Variants in RNF217 observed in about 807,000 individuals in gnomAD.
RNF217 encodes the protein E3 ubiquitin-protein ligase RNF217.
Under a neutral mutation model 57.8 loss-of-function variants are expected in RNF217, and 31 were observed. The ratio of observed to expected loss-of-function variants is 0.54; its 90% CI spans 0.40 to 0.72. The LOEUF is 0.72. Among genes scored for constraint, RNF217 ranks in the 30% least tolerant of loss-of-function variants. RNF217 has a pLI of 0.00. For missense variants in RNF217, 696 were observed against 708.3 expected, an observed-to-expected ratio of 0.98 and a Z score of 0.20; for synonymous variants, 313 against 294.0, an observed-to-expected ratio of 1.06 and a Z score of -0.66.
chr6:125,079,774 T>G (rs1788507758), intron 4 of RNF217, among the ~76,000 whole-genome samples: 1 of 151,958 alleles, frequency 6.6e-6, no homozygotes, highest in Non-Finnish European at 1.5e-5. Context: ...CAAGTATAAT[T>G]TAAAATAGGG....
chr6:125,019,839 G>T (rs989935904), intron 1 of RNF217, among the ~76,000 whole-genome samples: 2 of 150,382 alleles, frequency 1.3e-5, no homozygotes, highest in Non-Finnish European at 3.0e-5. Flanking sequence ...GCAGTGGGGG[G>T]GGAGTGAAAA....
chr6:124,971,581 G>A (rs765585204), intron 1 of RNF217: 6 of 233,786 alleles, frequency 2.6e-5, no homozygotes, highest in South Asian at 4.1e-5. Context: ...TCAGCCTTCC[G>A]AGTAGTTGGG....
chr6:125,030,707 T>A (rs1269623775), intron 1 of RNF217, among the ~76,000 whole-genome samples: 1 of 152,108 alleles, frequency 6.6e-6, no homozygotes, highest in Non-Finnish European at 1.5e-5. Context: ...GGGTACAGTC[T>A]CCCTCCTGGC....
chr6:124,963,510 G>A, intron 1 of RNF217, 84 bp downstream of exon 1: 2 of 1,402,254 alleles, frequency 1.4e-6, no homozygotes, highest in Non-Finnish European at 1.9e-6. Flanking sequence ...CTCCCTGCTC[G>A]CGCGAAGAGG....
chr6:125,000,408 A>G (rs948301770), intron 1 of RNF217, among the ~76,000 whole-genome samples: 5 of 152,210 alleles, frequency 3.3e-5, no homozygotes, highest in African/African-American at 9.6e-5. Context: ...TATGTTATAT[A>G]TAATACACAA....
At chr6:125,025,246 G>T (rs759562178) in intron 1 of RNF217, among the ~76,000 whole-genome samples, 1 of 152,152 alleles carries the variant, frequency 6.6e-6, no homozygotes, top group Non-Finnish European at 1.5e-5. Flanking sequence ...AGGTGAGACA[G>T]ATAGCAGTGG....
Position 125,083,154 on chromosome 6 carries a change from T to C in RNF217, c.*217T>C. On this transcript the variant is annotated 3_prime_UTR_variant, in exon 6 of 6. Transcript: ENST00000521654. ...ACAAATTGCTGCTGCTTTTAAAAAATGGTCACTTTCATAAACTATAAACAT... is the reference window on the plus strand; with the variant it reads ...ACAAATTGCTGCTGCTTTTAAAAAACGGTCACTTTCATAAACTATAAACAT... 2.3e-6 allele frequency: 1 copy of C among 436,402 alleles called. No homozygotes were observed. The highest frequency in any genetic ancestry group is 4.0e-6 in the Non-Finnish European group (1 of 249,230). 27.0% of individuals were successfully genotyped at this position (436,402 alleles called of 1,614,324 possible).
intron 1 of RNF217, among the ~76,000 whole-genome samples, chr6:125,018,789 G>A (rs1785708026): frequency 6.6e-6 from 1 of 152,110 alleles, no homozygotes; most frequent in Non-Finnish European, 1.5e-5. Flanking sequence ...ATGACTAGGT[G>A]ACTACCCCTC....
intron 1 of RNF217, among the ~76,000 whole-genome samples, chr6:124,999,571 A>G (rs990907447): frequency 2.6e-5 from 4 of 152,172 alleles, no homozygotes; most frequent in Non-Finnish European, 5.9e-5. Flanking sequence ...GCCAGAGCCT[A>G]AAGTATAACT....
rs1215656652 is a variant in RNF217 at position 125,090,013 on chromosome 6, A to C, written c.*7076A>C. 1 of 152,104 alleles carries C rather than the reference A, an allele frequency of 6.6e-6. No homozygotes were observed. Among genetic ancestry groups the C allele is most frequent in the Non-Finnish European group, 1.5e-5 (1 of 68,014 alleles). 9.4% of individuals were successfully genotyped at this position (152,104 alleles called of 1,614,324 possible). A position where few individuals can be genotyped will look rare whatever the true frequency, so the allele number is the denominator to read the frequency against. On this transcript the variant is annotated 3_prime_UTR_variant, in exon 6 of 6. Coordinates refer to ENST00000521654, the MANE Select transcript of RNF217 (RefSeq NM_001286398.3). Reference sequence around the variant, plus strand: ...TATCATAATTTCATTATCAGCTGACAAGAAACCCTTCTAAGACCCATTTTT... The same window carrying C: ...TATCATAATTTCATTATCAGCTGACCAGAAACCCTTCTAAGACCCATTTTT...
chr6:125,083,806 G>A lies in RNF217; in HGVS notation c.*869G>A, dbSNP rs1314368147. The A allele has an allele frequency of 6.6e-6, 1 of 152,062 alleles. No individual in the cohort carries two copies. The highest frequency in any genetic ancestry group is 2.4e-5 in the African/African-American group (1 of 41,430). The allele number at this position is 152,062 out of a possible 1,614,324, so 9.4% of individuals were successfully genotyped here. On this transcript the variant is annotated 3_prime_UTR_variant, in exon 6 of 6. Coordinates refer to ENST00000521654, the MANE Select transcript of RNF217 (RefSeq NM_001286398.3). ...AATTTGTGCAACGTCACCCCAAGGA[G>A]TATTAAGCTTTGTAAACTGACAAAA...
chr6:125,016,699 C>T (rs1785615865), intron 1 of RNF217, among the ~76,000 whole-genome samples: 1 of 151,944 alleles, frequency 6.6e-6, no homozygotes, highest in African/African-American at 2.4e-5. Flanking sequence ...AAACCAAACA[C>T]CACCTGTTCT....
intron 1 of RNF217, among the ~76,000 whole-genome samples, chr6:125,004,499 A>G (rs1459399393): frequency 1.3e-5 from 2 of 152,178 alleles, no homozygotes; most frequent in African/African-American, 2.4e-5. Context: ...CCTGGGGAGA[A>G]TAACTGTCTG....
chr6:125,082,133 A>G (rs1322633), intron 5 of RNF217, among the ~76,000 whole-genome samples: 46,488 of 152,042 alleles, frequency 0.31, 9,027 homozygotes, highest in Non-Finnish European at 0.44. Flanking sequence ...CTGACTCGGT[A>G]TATGGGAAAA....
chr6:125,025,001 G>T lies in RNF217; in HGVS notation c.883-20210G>T, dbSNP rs117468662. On this transcript the variant is annotated intron_variant, in intron 1 of 5. Coordinates refer to ENST00000521654, the MANE Select transcript of RNF217 (RefSeq NM_001286398.3). ...AATCCATTATAAATGCAACCTCAGAGACTCAGGAAGCCTTAAAGGATAGAT... is the reference window on the plus strand; with the variant it reads ...AATCCATTATAAATGCAACCTCAGATACTCAGGAAGCCTTAAAGGATAGAT... 9.7e-4 allele frequency among the ~76,000 whole-genome samples: 147 copies of T among 152,232 alleles called. 1 individual carries two copies. The highest frequency in any genetic ancestry group is 1.7e-3 in the Non-Finnish European group (116 of 68,026).
intron 1 of RNF217, among the ~76,000 whole-genome samples, chr6:125,038,097 G>A (rs1223480532): frequency 3.9e-5 from 6 of 152,072 alleles, no homozygotes; most frequent in Middle Eastern, 3.2e-3. Flanking sequence ...TAGCTTGAAC[G>A]TTAAGTGGAT....
rs772079217 is a variant in RNF217 at position 125,081,496 on chromosome 6, C to T, written c.1544C>T (p.Ala515Val). ...MVLGLALGAIAVVIGLFVFPI... is the reference protein window; with the variant it reads ...MVLGLALGAIVVVIGLFVFPI... ...TTGGGATTGGCACTAGGGGCCATAGCGGTTGTAATCGGTAAGAAACACTTC... is the reference window on the plus strand; with the variant it reads ...TTGGGATTGGCACTAGGGGCCATAGTGGTTGTAATCGGTAAGAAACACTTC... The change falls in exon 5 of 6, where the codon GCG (alanine) becomes GTG (valine). Residue 515 changes from alanine (A) to valine (V), a missense_variant. Physicochemically the swap from Ala to Val is moderately conservative, Grantham distance 64. Transcript: ENST00000521654. 16 of 1,609,748 alleles carry T rather than the reference C, an allele frequency of 9.9e-6. No homozygotes were observed. The highest frequency in any genetic ancestry group is 2.2e-5 in the East Asian group (1 of 44,760).
intron 1 of RNF217, among the ~76,000 whole-genome samples, chr6:124,990,721 T>G (rs1436295468): frequency 6.6e-6 from 1 of 152,122 alleles, no homozygotes; most frequent in Non-Finnish European, 1.5e-5. Context: ...AATCTAGCAG[T>G]AAAATCTTAA....
rs1475088278 is a variant in RNF217, at chr6:125,085,717, T to C, written c.*2780T>C. 1 of 151,928 alleles carries C rather than the reference T, an allele frequency of 6.6e-6. No individual in the cohort carries two copies. The highest frequency in any genetic ancestry group is 1.5e-5 in the Non-Finnish European group (1 of 67,844). The allele number at this position is 151,928 out of a possible 1,614,324, so 9.4% of individuals were successfully genotyped here. A position where few individuals can be genotyped will look rare whatever the true frequency, so the allele number is the denominator to read the frequency against. On this transcript the variant is annotated 3_prime_UTR_variant, in exon 6 of 6. Transcript: ENST00000521654. ...AACTTTCTCTACTTACCCCACCTCTTATTTTCTAGGGGTAACCACTGTTAA... is the reference window on the plus strand; with the variant it reads ...AACTTTCTCTACTTACCCCACCTCTCATTTTCTAGGGGTAACCACTGTTAA...
Sources: allele counts gnomAD v4.1 joint callset (sites outside exome capture counted in the v4.1 genomes callset), GRCh38; gene constraint gnomAD v4.1.1; transcripts MANE v1.5; gene names NCBI Gene and HGNC (gene_info 2026-07-23, HGNC 2026-07-21).